The following NUP62 variants were observed in gnomAD, a reference collection of about 807,000 sequenced individuals.
NUP62 encodes nucleoporin 62, also known as nuclear pore glycoprotein p62.
For missense variants in NUP62, 647 were observed against 689.4 expected, an observed-to-expected ratio of 0.94 and a Z score of 0.69; for synonymous variants, 305 against 303.4, an observed-to-expected ratio of 1.01 and a Z score of -0.05.
Position 49,907,662 on chromosome 19 carries a change from A to G in NUP62, c.*577T>C. 8 of 369,970 alleles carry G rather than the reference A, an allele frequency of 2.2e-5. No homozygotes were observed. Among genetic ancestry groups the G allele is most frequent in the South Asian group, 1.7e-4 (8 of 47,892 alleles). The allele number at this position is 369,970 out of a possible 1,614,324, so 22.9% of individuals were successfully genotyped here. A position where few individuals can be genotyped will look rare whatever the true frequency, so the allele number is the denominator to read the frequency against. ...ATTCTCCTGCCTCAGCCTCCCGAGT[A>G]GCTGAGATTGAGATCACAGGCGTCC... On this transcript the variant is annotated 3_prime_UTR_variant, in exon 3 of 3. Coordinates refer to ENST00000352066, the MANE Select transcript of NUP62 (RefSeq NM_016553.5).
rs1473271806 is a variant in NUP62 at position 49,929,419 on chromosome 19, C to G, written c.-293G>C. On this transcript the variant is annotated 5_prime_UTR_variant, in exon 1 of 3. Coordinates refer to ENST00000352066, the MANE Select transcript of NUP62 (RefSeq NM_016553.5). Reference sequence around the variant, plus strand: ...CCATGGAGTGAGTAACCGCTTACCTCTTCTCCAACTGCCTTTCCCGCCCTT... The same window carrying G: ...CCATGGAGTGAGTAACCGCTTACCTGTTCTCCAACTGCCTTTCCCGCCCTT... 2 of 152,700 alleles carry G rather than the reference C, an allele frequency of 1.3e-5. No homozygotes were observed. Among genetic ancestry groups the G allele is most frequent in the Admixed American group, 6.5e-5 (1 of 15,282 alleles). 9.5% of individuals were successfully genotyped at this position (152,700 alleles called of 1,614,324 possible). A position where few individuals can be genotyped will look rare whatever the true frequency, so the allele number is the denominator to read the frequency against.
At position 49,908,812 on chromosome 19, in the gene NUP62, C is replaced by G. The variant is rs1464942350; in HGVS notation, c.996G>C (p.Gln332His). The G allele has an allele frequency of 5.6e-6, 9 of 1,613,464 alleles. No homozygotes were observed. Among genetic ancestry groups the G allele is most frequent in the Non-Finnish European group, 4.2e-6 (5 of 1,180,048 alleles). ...TCCATTTGTTGATCAGGCTCTCCAG[C>G]TGCGCGTAGGTCATGGCGGAGCTGG... is the stretch of plus-strand genomic sequence containing the variant. Reference protein sequence around the residue: ...AAASSAMTYAQLESLINKWSL... With the variant: ...AAASSAMTYAHLESLINKWSL... Residue 332 changes from glutamine (Q) to histidine (H), a missense_variant, in exon 3 of 3, where the codon CAG (glutamine) becomes CAC (histidine). Transcript: ENST00000352066.
chr19:49,909,157 A>T lies in NUP62; in HGVS notation c.651T>A (p.Thr217=). ...APTPTATITS[T]GPSLFASIAT... ...CTATTGACGCAAAGAGGCTGGGCCCAGTGCTGGTGATGGTGGCTGTGGGTG... is the reference window on the plus strand; with the variant it reads ...CTATTGACGCAAAGAGGCTGGGCCCTGTGCTGGTGATGGTGGCTGTGGGTG... The change falls in exon 3 of 3, where the codon ACT becomes ACA. Residue 217 remains threonine, a synonymous_variant. Transcript: ENST00000352066. The T allele has an allele frequency of 6.2e-7, 1 of 1,613,364 alleles. No homozygotes were observed. Among genetic ancestry groups the T allele is most frequent in the Non-Finnish European group, 8.5e-7 (1 of 1,179,794 alleles).
rs62126289 is a variant in NUP62 at position 49,907,016 on chromosome 19, T to C, written c.*1223A>G. On this transcript the variant is annotated 3_prime_UTR_variant, in exon 3 of 3. Transcript: ENST00000352066. ...GTGCCACTAAGTTCCGAGCCAAGTC[T>C]ACGGCCACCACTGGAAGCTGTGGCT... 2,916 of 153,812 alleles carry C rather than the reference T, an allele frequency of 0.019. 43 individuals carry two copies. Among genetic ancestry groups the C allele is most frequent in the Non-Finnish European group, 0.025 (1,745 of 68,906 alleles). The allele number at this position is 153,812 out of a possible 1,614,324, so 9.5% of individuals were successfully genotyped here.
At chr19:49,910,838 C>T (rs962590794) in intron 2 of NUP62, among the ~76,000 whole-genome samples, 7 of 152,264 alleles carry the variant, frequency 4.6e-5, no homozygotes, top group African/African-American at 1.7e-4. Context: ...CCAGTGGTGC[C>T]ATCTATCAGC....
chr19:49,926,638 C>T (rs1458536733), intron 2 of NUP62, among the ~76,000 whole-genome samples: 1 of 152,178 alleles, frequency 6.6e-6, no homozygotes, highest in Non-Finnish European at 1.5e-5. Context: ...CACGTCTGTG[C>T]GTCCTTACCA....
chr19:49,909,618 T>G lies in NUP62; in HGVS notation c.190A>C (p.Thr64Pro), dbSNP rs147601489. The change falls in exon 3 of 3, where the codon ACC becomes CCC. Residue 64 changes from threonine (T) to proline (P), a missense_variant. Transcript: ENST00000352066. Reference protein sequence around the residue: ...TPSTGLFSLATQTPATQTTGF... With the variant: ...TPSTGLFSLAPQTPATQTTGF... Reference sequence around the variant, plus strand: ...GTCGTCTGTGTGGCCGGAGTCTGGGTGGCAAGTGAGAACAGGCCGGTGGAA... The same window carrying G: ...GTCGTCTGTGTGGCCGGAGTCTGGGGGGCAAGTGAGAACAGGCCGGTGGAA... 177 of 1,614,098 alleles carry G rather than the reference T, an allele frequency of 1.1e-4. 1 individual carries two copies. The African/African-American group carries it at 1.9e-3, about 17-fold the overall frequency.
chr19:49,925,428 C>G (rs1000119806), intron 2 of NUP62, among the ~76,000 whole-genome samples: 16 of 144,854 alleles, frequency 1.1e-4, no homozygotes, highest in East Asian at 4.2e-4. Flanking sequence ...GACCCTCCCC[C>G]CCATCTCTAC....
chr19:49,926,117 G>A (rs1036776657), intron 2 of NUP62, among the ~76,000 whole-genome samples: 4 of 149,554 alleles, frequency 2.7e-5, no homozygotes, highest in Non-Finnish European at 5.9e-5. Context: ...CCTGAAGCAG[G>A]AGAATGGCTT....
chr19:49,907,274 G>A lies in NUP62; in HGVS notation c.*965C>T. The A allele has an allele frequency of 3.4e-6, 1 of 296,344 alleles. No homozygotes were observed. Among genetic ancestry groups the A allele is most frequent in the Non-Finnish European group, 6.5e-6 (1 of 153,016 alleles). The allele number at this position is 296,344 out of a possible 1,614,324, so 18.4% of individuals were successfully genotyped here. ...TGCAAGAAGGCCACCTGAGCTTCGG[G>A]TAGCTGGGAAGGCTTCCTGGAGGAG... On this transcript the variant is annotated 3_prime_UTR_variant, in exon 3 of 3. Transcript: ENST00000352066.
rs1353879572 is a variant in NUP62 at position 49,907,528 on chromosome 19, T to TG, written c.*710dup. The TG allele has an allele frequency of 4.8e-6, 2 of 419,914 alleles. No homozygotes were observed. Among genetic ancestry groups the TG allele is most frequent in the Non-Finnish European group, 9.1e-6 (2 of 218,624 alleles). The allele number at this position is 419,914 out of a possible 1,614,324, so 26.0% of individuals were successfully genotyped here. ...ACTCGAAAACTAGGCTGCTGTCTCC[T>TG]GGGAGTTTCTTTTTTTTTTTTTTTT... On this transcript the variant is annotated 3_prime_UTR_variant, in exon 3 of 3. Transcript: ENST00000352066.
At chr19:49,916,239 T>C (rs781546912) in intron 2 of NUP62, among the ~76,000 whole-genome samples, 13 of 152,136 alleles carry the variant, frequency 8.5e-5, no homozygotes, top group Non-Finnish European at 1.6e-4. Flanking sequence ...AATTAAGTGT[T>C]GGCCAAGTGT....
At chr19:49,911,696 C>A (rs993971436) in intron 2 of NUP62, among the ~76,000 whole-genome samples, 2 of 152,242 alleles carry the variant, frequency 1.3e-5, no homozygotes, top group African/African-American at 4.8e-5. Context: ...GCCAGTAGAT[C>A]TCAATGGGCG....
intron 2 of NUP62, among the ~76,000 whole-genome samples, chr19:49,924,798 C>T (rs1018647614): frequency 6.6e-6 from 1 of 152,170 alleles, no homozygotes; most frequent in African/African-American, 2.4e-5. Context: ...CACCCTGAGT[C>T]CAGCTGCTAA....
chr19:49,927,430 T>C (rs1230184600), intron 2 of NUP62, among the ~76,000 whole-genome samples: 1 of 152,154 alleles, frequency 6.6e-6, no homozygotes, highest in African/African-American at 2.4e-5. Context: ...TTGGTAAGGT[T>C]TACAAATTTG....
Position 49,909,556 on chromosome 19 carries a change from C to A in NUP62, c.252G>T (p.Gly84=). Residue 84 remains glycine, a synonymous_variant, in exon 3 of 3, where the codon GGG becomes GGT. Transcript: ENST00000352066. ...FTFGTATLAS[G]GTGFSLGIGA... Reference sequence around the variant, plus strand: ...CGATCCCCAAAGAAAATCCAGTTCCCCCCGAAGCAAGAGTCGCTGTTCCAA... The same window carrying A: ...CGATCCCCAAAGAAAATCCAGTTCCACCCGAAGCAAGAGTCGCTGTTCCAA... 2 of 1,614,128 alleles carry A rather than the reference C, an allele frequency of 1.2e-6. No individual in the cohort carries two copies. Among genetic ancestry groups the A allele is most frequent in the Non-Finnish European group, 1.7e-6 (2 of 1,180,022 alleles).
chr19:49,909,067 G>A lies in NUP62; in HGVS notation c.741C>T (p.Gly247=), dbSNP rs1352894086. The A allele has an allele frequency of 1.2e-5, 20 of 1,612,520 alleles. No individual in the cohort carries two copies. The highest frequency in any genetic ancestry group is 2.2e-5 in the South Asian group (2 of 91,064). The part of the protein sequence containing the change: ...LSLCTPVTTA[G]APTAGTQGFS... ...AGCCCTGTGTCCCAGCAGTGGGGGCGCCCGCTGTGGTCACAGGGGTACAGA... is the reference window on the plus strand; with the variant it reads ...AGCCCTGTGTCCCAGCAGTGGGGGCACCCGCTGTGGTCACAGGGGTACAGA... Residue 247 remains glycine, a synonymous_variant, in exon 3 of 3, where the codon GGC becomes GGT. Transcript: ENST00000352066.
intron 2 of NUP62, among the ~76,000 whole-genome samples, chr19:49,924,653 C>G (rs2075842248): frequency 6.6e-6 from 1 of 152,168 alleles, no homozygotes; most frequent in Non-Finnish European, 1.5e-5. Context: ...AGGCCTGGGT[C>G]AGGAATGTGC....
At chr19:49,919,147 C>T (rs566817096) in intron 2 of NUP62, among the ~76,000 whole-genome samples, 2 of 152,198 alleles carry the variant, frequency 1.3e-5, no homozygotes, top group Admixed American at 6.5e-5. Context: ...GAGTGAAACT[C>T]GGTCTCAAAA....
Sources: allele counts gnomAD v4.1 joint callset (sites outside exome capture counted in the v4.1 genomes callset), GRCh38; gene constraint gnomAD v4.1.1; transcripts MANE v1.5; gene names NCBI Gene and HGNC (gene_info 2026-07-23, HGNC 2026-07-21).